The following AFG1L variants were observed in gnomAD, a reference collection of about 807,000 sequenced individuals.
AFG1L encodes the protein AFG1 like ATPase, also known as AFG1-like ATPase.
In AFG1L, 53 loss-of-function variants were observed where a neutral mutation model predicts 62.2. The observed-to-expected ratio is 0.85, with a 90% confidence interval of 0.68 to 1.07. AFG1L has a LOEUF of 1.07. AFG1L is among the 50% of genes least tolerant of loss of function. The pLI is 0.00. For missense variants in AFG1L, 555 were observed against 590.5 expected, an observed-to-expected ratio of 0.94 and a Z score of 0.62; for synonymous variants, 228 against 210.3, an observed-to-expected ratio of 1.08 and a Z score of -0.73.
chr6:108,454,348 C>T (rs974499584), intron 8 of AFG1L, among the ~76,000 whole-genome samples: 3 of 152,178 alleles, frequency 2.0e-5, no homozygotes, highest in Admixed American at 1.3e-4. Context: ...GATAATAGAG[C>T]ATATTCCCAG....
intron 1 of AFG1L, among the ~76,000 whole-genome samples, chr6:108,323,049 G>T (rs1283491955): frequency 1.3e-5 from 2 of 152,208 alleles, no homozygotes; most frequent in Non-Finnish European, 2.9e-5. Context: ...GCAGAGGGCT[G>T]AAATCGATGT....
chr6:108,413,046 G>A (rs1562144349), intron 7 of AFG1L, among the ~76,000 whole-genome samples: 2 of 152,006 alleles, frequency 1.3e-5, no homozygotes, highest in Admixed American at 1.3e-4. Flanking sequence ...ACACACATGG[G>A]CTCAAAATAA....
chr6:108,443,078 T>C (rs1771615447), intron 7 of AFG1L, among the ~76,000 whole-genome samples: 1 of 152,192 alleles, frequency 6.6e-6, no homozygotes, highest in Non-Finnish European at 1.5e-5. Context: ...CAAATTACTG[T>C]AAAATGACTG....
chr6:108,517,234 A>G (rs1006066157), intron 11 of AFG1L, among the ~76,000 whole-genome samples: 2 of 152,160 alleles, frequency 1.3e-5, no homozygotes, highest in East Asian at 1.9e-4. Context: ...GAGGCATCAC[A>G]CTACCTGACT....
intron 6 of AFG1L, among the ~76,000 whole-genome samples, chr6:108,398,337 T>C (rs1003364273): frequency 2.0e-5 from 3 of 152,220 alleles, no homozygotes; most frequent in Non-Finnish European, 4.4e-5. Context: ...TTGAGCTTCT[T>C]ATATATTCTG....
intron 1 of AFG1L, among the ~76,000 whole-genome samples, chr6:108,298,816 T>A (rs945110382): frequency 3.3e-5 from 5 of 152,166 alleles, no homozygotes; most frequent in African/African-American, 1.2e-4. Flanking sequence ...CAGAAATGCC[T>A]GGATGGGAGA....
chr6:108,346,947 A>T (rs1467641626), intron 2 of AFG1L, 41 bp from the exon 3 acceptor site: 1 of 1,455,578 alleles, frequency 6.9e-7, no homozygotes, highest in South Asian at 1.1e-5. Context: ...ATATTTAATT[A>T]TTTGCATGGT....
chr6:108,436,333 CG>C (rs1372600909), intron 7 of AFG1L, among the ~76,000 whole-genome samples: 3 of 152,048 alleles, frequency 2.0e-5, no homozygotes, highest in South Asian at 4.1e-4. Context: ...TTAGTAGAGA[CG>C]GGGTTTCACT....
intron 7 of AFG1L, among the ~76,000 whole-genome samples, chr6:108,441,449 T>C (rs1177158167): frequency 6.6e-6 from 1 of 152,084 alleles, no homozygotes; most frequent in Admixed American, 6.6e-5. Flanking sequence ...TTTGTATATA[T>C]AAATATGCAA....
chr6:108,338,611 A>G (rs1460456089), intron 2 of AFG1L, among the ~76,000 whole-genome samples: 1 of 152,170 alleles, frequency 6.6e-6, no homozygotes, highest in Non-Finnish European at 1.5e-5. Context: ...TTGGGATTAC[A>G]GGAGTGAGCT....
chr6:108,440,173 A>G (rs532796218), intron 7 of AFG1L, among the ~76,000 whole-genome samples: 1 of 152,240 alleles, frequency 6.6e-6, no homozygotes, highest in African/African-American at 2.4e-5. Context: ...AGTTCAAAAA[A>G]GATACATTTT....
chr6:108,498,462 T>C (rs1404926415), intron 10 of AFG1L, among the ~76,000 whole-genome samples: 4 of 152,178 alleles, frequency 2.6e-5, no homozygotes. Context: ...TTTTAAATAA[T>C]GAATGCTTGG....
rs550080989 is a variant in AFG1L at position 108,486,412 on chromosome 6, G to A, written c.1062+9120G>A. ...ATTGCCAATTAGAATATTTAATAAG[G>A]TACATTCCATTTTATCACTTTGAAA... is the stretch of plus-strand genomic sequence containing the variant. On this transcript the variant is annotated intron_variant, in intron 10 of 12. Transcript: ENST00000368977. Among the ~76,000 whole-genome samples the A allele has an allele frequency of 3.3e-5, 5 of 152,014 alleles. No individual in the cohort carries two copies. In the South Asian group the frequency reaches 1.0e-3, roughly 32 times the overall value.
intron 11 of AFG1L, among the ~76,000 whole-genome samples, chr6:108,517,826 A>T (rs184104513): frequency 9.2e-5 from 14 of 152,344 alleles, no homozygotes; most frequent in Admixed American, 8.5e-4. Flanking sequence ...CAACAAACCC[A>T]TCAAAAAGTG....
At chr6:108,333,192 C>T (rs560506072) in intron 2 of AFG1L, among the ~76,000 whole-genome samples, 4 of 151,456 alleles carry the variant, frequency 2.6e-5, no homozygotes, top group African/African-American at 4.8e-5. Flanking sequence ...GGCAGATCAC[C>T]TGAGGTCAGG....
chr6:108,417,602 T>C (rs1381113133), intron 7 of AFG1L, among the ~76,000 whole-genome samples: 1 of 152,142 alleles, frequency 6.6e-6, no homozygotes, highest in Non-Finnish European at 1.5e-5. Context: ...AAAACTCAGA[T>C]TTTTCTCCAA....
chr6:108,333,346 A>T (rs1463181134), intron 2 of AFG1L, among the ~76,000 whole-genome samples: 2 of 151,760 alleles, frequency 1.3e-5, no homozygotes, highest in Non-Finnish European at 2.9e-5. Flanking sequence ...GGAGGTGGAG[A>T]TTGCAGTGAG....
intron 5 of AFG1L, 124 bp downstream of exon 5, chr6:108,356,944 A>G (rs911593591): frequency 2.4e-6 from 2 of 844,554 alleles, no homozygotes; most frequent in Non-Finnish European, 3.6e-6. Flanking sequence ...TTACTGCTTC[A>G]ATTTTACTAT....
intron 2 of AFG1L, among the ~76,000 whole-genome samples, chr6:108,338,711 C>T (rs1778562684): frequency 6.6e-6 from 1 of 152,114 alleles, no homozygotes; most frequent in Non-Finnish European, 1.5e-5. Context: ...AAAATGAACA[C>T]CCATAAACAT....
Sources: allele counts gnomAD v4.1 joint callset (sites outside exome capture counted in the v4.1 genomes callset), GRCh38; gene constraint gnomAD v4.1.1; transcripts MANE v1.5; gene names NCBI Gene and HGNC (gene_info 2026-07-23, HGNC 2026-07-21).